SLC28A1: variants seen among roughly 807,000 people sequenced by gnomAD.
SLC28A1 encodes the protein sodium/nucleoside cotransporter 1.
SLC28A1 carries 64 observed loss-of-function variants against 74.8 expected under a neutral mutation model. The observed-to-expected ratio is 0.86, with a 90% CI of 0.70 to 1.05. The LOEUF is 1.05. SLC28A1 is among the 50% of genes least tolerant of loss of function. The pLI is 0.00. For synonymous variants in SLC28A1, 359 were observed against 335.0 expected (o/e 1.07, Z -0.78); for missense variants, 828 against 822.8 (o/e 1.01, Z -0.08).
Position 84,935,080 on chromosome 15 carries a change from G to C in SLC28A1, c.1269G>C (p.Lys423Asn), listed in dbSNP as rs746351142. The C allele has an allele frequency of 4.1e-5, 66 of 1,614,124 alleles. 2 individuals carry two copies. The South Asian group carries it at 6.5e-4, about 16-fold the overall frequency. The change falls in exon 14 of 19, where the codon AAG becomes AAC. Residue 423 changes from lysine to asparagine, a missense_variant. Lys to Asn is a moderately conservative substitution (Grantham distance 94). Transcript: ENST00000394573. ...GCACTGGGGCCGCCATCTCCGTGAA[G>C]GTGGTCGCCAACATCGCTGCCAACC... is the stretch of plus-strand genomic sequence containing the variant. ...AASTGAAISV[K>N]VVANIAANLI... is the part of the protein sequence containing the mutation.
In SLC28A1 at chr15:84,918,418, G is replaced by T; in HGVS notation, c.796-106G>T. On this transcript the variant is annotated intron_variant, in intron 9 of 18. Transcript: ENST00000394573. ...CCGGATCCTGTCAGGCATCTGAGTG[G>T]CAAGGCCTGGGATGGAGTGGGCTGT... 8.5e-6 allele frequency: 7 copies of T among 825,652 alleles called. No individual in the cohort carries two copies. The South Asian group carries it at 9.3e-5, about 11-fold the overall frequency. 51.1% of individuals were successfully genotyped at this position (825,652 alleles called of 1,614,324 possible).
Position 84,906,560 on chromosome 15 carries a change from CTTTCTCTT to C in SLC28A1, c.717+910_717+917del, listed in dbSNP as rs1370254912. Among the ~76,000 whole-genome samples the C allele has an allele frequency of 3.2e-3, 265 of 83,946 alleles. 4 individuals are homozygous for C. Among genetic ancestry groups the C allele is most frequent in the African/African-American group, 0.013 (247 of 19,414 alleles). 55.1% of individuals were successfully genotyped at this position (83,946 alleles called of 152,430 possible). The stretch of plus-strand genomic sequence containing the variant: ...TCTTTCTTTCTTTCTTTCTTTCTTT[CTTTCTCTT>C]TCTTTCTTCCTTCCTTCCTTCCTTC... On this transcript the variant is annotated intron_variant, in intron 8 of 18. Transcript: ENST00000394573.
At chr15:84,920,358 GT>G (rs1969656269) in intron 10 of SLC28A1, among the ~76,000 whole-genome samples, 1 of 151,914 alleles carries the variant, frequency 6.6e-6, no homozygotes, top group Non-Finnish European at 1.5e-5. Flanking sequence ...AGGCAGGAGA[GT>G]TGCTTGAACC....
intron 15 of SLC28A1, chr15:84,938,365 G>T (rs893364730): frequency 2.6e-5 from 4 of 151,944 alleles, no homozygotes; most frequent in Non-Finnish European, 4.4e-5. Context: ...TACATAGTAG[G>T]TGTATAGATT....
intron 1 of SLC28A1, 21 bp downstream of exon 1, chr15:84,884,772 G>A: frequency 1.0e-6 from 1 of 983,322 alleles, no homozygotes; most frequent in Non-Finnish European, 1.2e-6. Flanking sequence ...AGGACAGTAG[G>A]AGAGGAGGGA....
chr15:84,944,781 T>A lies in SLC28A1; in HGVS notation c.1788T>A (p.Ala596=). Residue 596 remains alanine, a synonymous_variant, in exon 18 of 19, where the codon GCT becomes GCA. Coordinates refer to ENST00000394573, the MANE Select transcript of SLC28A1 (RefSeq NM_004213.5). Reference sequence around the variant, plus strand: ...GGATCCTCTACATGCCCAGGGGGGCTGAAGTTGACTGCATGTCCCTCTTGA... The same window carrying A: ...GGATCCTCTACATGCCCAGGGGGGCAGAAGTTGACTGCATGTCCCTCTTGA... ...MAGILYMPRG[A]EVDCMSLLNT... The A allele has an allele frequency of 6.2e-7, 1 of 1,613,988 alleles. No individual in the cohort carries two copies. Among genetic ancestry groups the A allele is most frequent in the Non-Finnish European group, 8.5e-7 (1 of 1,179,906 alleles).
At chr15:84,891,367 CG>C (rs1269443010) in intron 5 of SLC28A1, among the ~76,000 whole-genome samples, 1 of 152,104 alleles carries the variant, frequency 6.6e-6, no homozygotes, top group African/African-American at 2.4e-5. Flanking sequence ...GGGGCCTGCT[CG>C]GGTGATAGGA....
chr15:84,889,669 CTTCCTTCTTTCCTTCCTTCCTTCT>C (rs1567113589), intron 4 of SLC28A1, among the ~76,000 whole-genome samples: 6 of 112,476 alleles, frequency 5.3e-5, no homozygotes, highest in African/African-American at 2.1e-4. Flanking sequence ...TCTTTCCTTC[CTTCCTTCTTTCCTTCCTTCCTTCT>C]TTCCTTCCTT....
chr15:84,926,152 A>C (rs902399261), intron 12 of SLC28A1, among the ~76,000 whole-genome samples: 6 of 149,952 alleles, frequency 4.0e-5, no homozygotes, highest in Admixed American at 1.3e-4. Flanking sequence ...ATATAGAGCA[A>C]TTAAAAATAT....
intron 10 of SLC28A1, 44 bp from the exon 11 acceptor site, chr15:84,920,945 G>T (rs771465691): frequency 4.9e-5 from 74 of 1,500,938 alleles, no homozygotes; most frequent in Non-Finnish European, 6.6e-5. Flanking sequence ...TGACTCTGGG[G>T]TTTGCTGATG....
intron 9 of SLC28A1, among the ~76,000 whole-genome samples, chr15:84,914,098 GC>G (rs1471690695): frequency 6.6e-6 from 1 of 152,122 alleles, no homozygotes; most frequent in Non-Finnish European, 1.5e-5. Flanking sequence ...GCAGGCACAT[GC>G]CACCATGCCC....
downstream of SLC28A1, among the ~76,000 whole-genome samples, chr15:84,948,759 C>T (rs868310548): frequency 6.6e-6 from 1 of 152,132 alleles, no homozygotes; most frequent in African/African-American, 2.4e-5. Flanking sequence ...TGTTAACCCC[C>T]GATTCTGCTT....
chr15:84,974,343 G>T, the SLC28A1 span, among the ~76,000 whole-genome samples: 2 of 152,146 alleles, frequency 1.3e-5, no homozygotes, highest in African/African-American at 4.8e-5. Context: ...ATTTTCATGG[G>T]AGCTCTTGCA....
chr15:84,957,405 T>C, the SLC28A1 span, among the ~76,000 whole-genome samples: 1 of 152,128 alleles, frequency 6.6e-6, no homozygotes, highest in Non-Finnish European at 1.5e-5. Context: ...TGGCTGGGAG[T>C]ACAGGCGAAC....
chr15:84,908,248 A>G (rs1302979619), intron 8 of SLC28A1, among the ~76,000 whole-genome samples: 2 of 140,238 alleles, frequency 1.4e-5, no homozygotes. Context: ...CAGTGGCGCA[A>G]TCTTGGCTCA....
the SLC28A1 span, chr15:84,961,701 T>C: frequency 4.3e-5 from 14 of 323,698 alleles, no homozygotes; most frequent in African/African-American, 3.1e-4. Context: ...GGCAGCATCA[T>C]TTAATGACAG....
At chr15:84,894,148 G>A (rs79753856) in intron 5 of SLC28A1, among the ~76,000 whole-genome samples, 62,281 of 151,964 alleles carry the variant, frequency 0.41, 13,718 homozygotes, top group East Asian at 0.68. Context: ...GAGGTGGGCG[G>A]ATCACTTGAG....
downstream of SLC28A1, among the ~76,000 whole-genome samples, chr15:84,950,359 CTT>C (rs571049176): frequency 0.016 from 1,982 of 127,440 alleles, 38 homozygotes; most frequent in African/African-American, 0.053. Context: ...CGCCAGTCTC[CTT>C]TTTTTTTTTT....
Position 84,944,746 on chromosome 15 carries a change from C to T in SLC28A1, c.1763-10C>T, listed in dbSNP as rs1254589688. ...GGGGCCCTGCCCCACCCACCACTTT[C>T]CCTCTACAGGGATCCTCTACATGCC... is the stretch of plus-strand genomic sequence containing the variant. On this transcript the variant is annotated splice_polypyrimidine_tract_variant and intron_variant, in intron 17 of 18. Transcript: ENST00000394573. 1 of 1,611,082 alleles carries T rather than the reference C, an allele frequency of 6.2e-7. No homozygotes were observed. Among genetic ancestry groups the T allele is most frequent in the African/African-American group, 1.3e-5 (1 of 74,890 alleles).
Sources: allele counts gnomAD v4.1 joint callset (sites outside exome capture counted in the v4.1 genomes callset), GRCh38; gene constraint gnomAD v4.1.1; transcripts MANE v1.5; gene names NCBI Gene and HGNC (gene_info 2026-07-23, HGNC 2026-07-21).